The following ERC1 variants were observed in gnomAD, a reference collection of about 807,000 sequenced individuals.
The protein encoded by ERC1 is ELKS/RAB6-interacting/CAST family member 1.
In ERC1, 56 loss-of-function variants were observed where a neutral mutation model predicts 132.0. That is an observed-to-expected ratio of 0.42 (90% CI 0.34 to 0.53). The LOEUF is 0.53. Among genes scored for constraint, ERC1 ranks in the 20% least tolerant of loss-of-function variants. ERC1 has a pLI of 0.03. For synonymous variants in ERC1, 478 were observed against 476.1 expected, an observed-to-expected ratio of 1.00 and a Z score of -0.05; for missense variants, 1,202 against 1,349.9, an observed-to-expected ratio of 0.89 and a Z score of 1.72.
intron 7 of ERC1, among the ~76,000 whole-genome samples, chr12:1,136,230 A>G (rs1044136785): frequency 2.0e-5 from 3 of 152,080 alleles, no homozygotes; most frequent in African/African-American, 7.2e-5. Flanking sequence ...CACCTATTCT[A>G]TGCTTTAGCA....
At chr12:1,103,626 G>A (rs1290707452) in intron 3 of ERC1, among the ~76,000 whole-genome samples, 8 of 152,160 alleles carry the variant, frequency 5.3e-5, no homozygotes, top group African/African-American at 1.2e-4. Context: ...TCCTGACTGC[G>A]GCTTGAGAGC....
chr12:1,454,278 C>G (rs1195033027), intron 18 of ERC1, among the ~76,000 whole-genome samples: 1 of 152,226 alleles, frequency 6.6e-6, no homozygotes, highest in Non-Finnish European at 1.5e-5. Context: ...ATCTCTTCAT[C>G]TGCCGGTTCA....
At chr12:1,044,232 ATAGAGTTGGACTAGGTGATCTT>A (rs1369456065) in intron 2 of ERC1, among the ~76,000 whole-genome samples, 1 of 152,198 alleles carries the variant, frequency 6.6e-6, no homozygotes, top group East Asian at 1.9e-4. Flanking sequence ...TTTAAAACCC[ATAGAGTTGGACTAGGTGATCTT>A]TAGAGTCTTT....
At chr12:1,092,242 C>T (rs1009710819) in intron 3 of ERC1, among the ~76,000 whole-genome samples, 3 of 152,138 alleles carry the variant, frequency 2.0e-5, no homozygotes, top group Admixed American at 1.3e-4. Context: ...CGTGATCCGC[C>T]CGCCTCGGCC....
intron 2 of ERC1, among the ~76,000 whole-genome samples, chr12:1,047,612 A>G (rs936822849): frequency 1.3e-5 from 2 of 152,240 alleles, no homozygotes; most frequent in Admixed American, 1.3e-4. Flanking sequence ...TTTCTCAAAT[A>G]ATGTGTTTAC....
At chr12:1,241,842 T>G (rs576168018) in intron 13 of ERC1, among the ~76,000 whole-genome samples, 65 of 137,974 alleles carry the variant, frequency 4.7e-4, no homozygotes, top group Non-Finnish European at 8.0e-4. Flanking sequence ...GCATTTCTTC[T>G]TCTTCTTTTT....
chr12:1,173,663 A>G (rs1191893105), intron 8 of ERC1, among the ~76,000 whole-genome samples: 1 of 152,228 alleles, frequency 6.6e-6, no homozygotes, highest in Non-Finnish European at 1.5e-5. Context: ...GGCATAATAC[A>G]TACTGAAATA....
chr12:1,405,833 T>C (rs374824817), intron 16 of ERC1, among the ~76,000 whole-genome samples: 7 of 152,144 alleles, frequency 4.6e-5, no homozygotes, highest in African/African-American at 1.4e-4. Context: ...GGGGGATCAC[T>C]TAAGGCCAGG....
rs1275591428 is a variant in ERC1 at position 1,104,782 on chromosome 12, T to C, written c.1119T>C (p.Asp373=). 1.2e-6 allele frequency: 2 copies of C among 1,613,630 alleles called. No individual in the cohort carries two copies. Among genetic ancestry groups the C allele is most frequent in the Middle Eastern group, 1.6e-4 (1 of 6,084 alleles). Reference sequence around the variant, plus strand: ...ATCGAAGGTTTGAGAATGCTCCTGATTCTGCCAAAACAAAAGCTCTGCAAA... The same window carrying C: ...ATCGAAGGTTTGAGAATGCTCCTGACTCTGCCAAAACAAAAGCTCTGCAAA... The part of the protein sequence containing the change: ...EMHRRFENAP[D]SAKTKALQTV... The change falls in exon 4 of 19, where the codon GAT becomes GAC. Residue 373 remains aspartate, a synonymous_variant. Transcript: ENST00000360905.
At chr12:1,199,552 C>A (rs549869499) in intron 12 of ERC1, among the ~76,000 whole-genome samples, 67 of 152,162 alleles carry the variant, frequency 4.4e-4, no homozygotes, top group African/African-American at 1.6e-3. Context: ...GGGTGGATCA[C>A]CTGAGGTCAG....
chr12:1,080,384 T>A (rs1252962461), intron 2 of ERC1, among the ~76,000 whole-genome samples: 1 of 152,224 alleles, frequency 6.6e-6, no homozygotes, highest in Non-Finnish European at 1.5e-5. Flanking sequence ...AGTGTTTGTC[T>A]TTTTGTGATT....
At chr12:1,115,711 T>G (rs942935667) in intron 6 of ERC1, 155 bp from the exon 7 acceptor site, 2 of 590,040 alleles carry the variant, frequency 3.4e-6, no homozygotes, top group African/African-American at 3.8e-5. Context: ...GTTGGGGAGA[T>G]CCAAGGTTAT....
chr12:1,459,258 C>A (rs2093599990), intron 18 of ERC1, among the ~76,000 whole-genome samples: 2 of 152,112 alleles, frequency 1.3e-5, no homozygotes, highest in Admixed American at 1.3e-4. Context: ...TGAACTTTGA[C>A]ATTATGATAT....
chr12:1,394,204 T>G (rs1047113676), intron 16 of ERC1, among the ~76,000 whole-genome samples: 30 of 150,568 alleles, frequency 2.0e-4, no homozygotes, highest in African/African-American at 4.6e-4. Flanking sequence ...ATCGAGACCA[T>G]CCTGGCTAAC....
intron 7 of ERC1, among the ~76,000 whole-genome samples, chr12:1,125,171 T>G (rs1948017333): frequency 1.3e-5 from 2 of 151,960 alleles, no homozygotes; most frequent in African/African-American, 2.4e-5. Context: ...ATTTTTTGTA[T>G]TTTTAGTAGA....
At chr12:1,170,092 T>C (rs928083105) in intron 8 of ERC1, among the ~76,000 whole-genome samples, 7 of 152,218 alleles carry the variant, frequency 4.6e-5, no homozygotes, top group Admixed American at 1.3e-4. Flanking sequence ...GAAAAAAATC[T>C]GTGTAAAAAT....
At chr12:1,403,337 A>G (rs1019285847) in intron 16 of ERC1, among the ~76,000 whole-genome samples, 1 of 152,150 alleles carries the variant, frequency 6.6e-6, no homozygotes, top group Admixed American at 6.5e-5. Context: ...AATATCTTTC[A>G]TGTCAGTAAA....
chr12:1,327,694 C>G (rs898449387), intron 15 of ERC1, among the ~76,000 whole-genome samples: 3 of 152,308 alleles, frequency 2.0e-5, no homozygotes, highest in South Asian at 2.1e-4. Context: ...AATATATGCT[C>G]ATGACGTCCA....
chr12:1,438,592 A>G (rs1478932317), intron 17 of ERC1, among the ~76,000 whole-genome samples: 2 of 152,188 alleles, frequency 1.3e-5, no homozygotes, highest in Admixed American at 1.3e-4. Flanking sequence ...TAGTAGATAT[A>G]AAAATAATTT....
Sources: gnomAD v4.1 joint callset for allele counts (sites outside exome capture counted in the v4.1 genomes callset) on GRCh38, gnomAD v4.1.1 for gene constraint, MANE v1.5 for transcripts, NCBI Gene and HGNC (gene_info 2026-07-23, HGNC 2026-07-21) for gene names.